The following PPP3CB variants were observed in gnomAD, a reference collection of about 807,000 sequenced individuals.
PPP3CB encodes the protein serine/threonine-protein phosphatase 2B catalytic subunit beta isoform.
In PPP3CB, 8 loss-of-function variants were observed where a neutral mutation model predicts 66.4. The ratio of observed to expected loss-of-function variants is 0.12; its 90% CI spans 0.07 to 0.22. The LOEUF (loss-of-function observed/expected upper bound fraction) is 0.22, where lower values mean the gene tolerates loss of function less well. Among genes scored for constraint, PPP3CB ranks in the 10% least tolerant of loss-of-function variants. PPP3CB has a pLI of 1.00. For synonymous variants in PPP3CB, 208 were observed against 221.2 expected, an observed-to-expected ratio of 0.94 and a Z score of 0.53; for missense variants, 319 against 642.5, an observed-to-expected ratio of 0.50 and a Z score of 5.44.
intron 1 of PPP3CB, among the ~76,000 whole-genome samples, chr10:73,493,453 A>G (rs1447217661): frequency 1.3e-5 from 2 of 152,230 alleles, no homozygotes; most frequent in African/African-American, 4.8e-5. Flanking sequence ...ATCATTTATC[A>G]TCAGGCAACC....
At chr10:73,473,382 G>A (rs1055090326) in intron 4 of PPP3CB, among the ~76,000 whole-genome samples, 3 of 151,968 alleles carry the variant, frequency 2.0e-5, no homozygotes, top group African/African-American at 7.3e-5. Flanking sequence ...GGCCAGATGC[G>A]GTGGTTCACA....
intron 1 of PPP3CB, among the ~76,000 whole-genome samples, chr10:73,486,195 C>A (rs1182379196): frequency 6.6e-6 from 1 of 151,666 alleles, no homozygotes; most frequent in Admixed American, 6.6e-5. Flanking sequence ...CCGCCTGCCT[C>A]GGCCTTCCAA....
chr10:73,467,492 A>G, intron 9 of PPP3CB, 61 bp downstream of exon 9: 5 of 1,305,244 alleles, frequency 3.8e-6, no homozygotes, highest in Non-Finnish European at 4.1e-6. Context: ...TGCCTATGAT[A>G]GTAAACTGGA....
At chr10:73,480,976 C>G (rs2056866054) in intron 1 of PPP3CB, among the ~76,000 whole-genome samples, 1 of 151,874 alleles carries the variant, frequency 6.6e-6, no homozygotes, top group South Asian at 2.1e-4. Context: ...TTTCTTATTC[C>G]TTTTTTACTG....
intron 9 of PPP3CB, among the ~76,000 whole-genome samples, chr10:73,458,582 G>A (rs2132855608): frequency 6.6e-6 from 1 of 151,866 alleles, no homozygotes; most frequent in South Asian, 2.1e-4. Flanking sequence ...CGGGTAGACT[G>A]CTTGAGCTCA....
At chr10:73,485,278 T>C (rs934094652) in intron 1 of PPP3CB, among the ~76,000 whole-genome samples, 3 of 152,238 alleles carry the variant, frequency 2.0e-5, no homozygotes, top group African/African-American at 7.2e-5. Flanking sequence ...GAAAAACATT[T>C]TAATTTAGGA....
chr10:73,444,928 A>G, intron 11 of PPP3CB, 106 bp from the exon 12 acceptor site: 1 of 1,104,462 alleles, frequency 9.1e-7, no homozygotes, highest in Non-Finnish European at 1.3e-6. Context: ...CATGACATTC[A>G]TTGCTATTAC....
chr10:73,445,606 C>T (rs1008474333), intron 11 of PPP3CB, among the ~76,000 whole-genome samples: 11 of 152,044 alleles, frequency 7.2e-5, no homozygotes, highest in Admixed American at 3.9e-4. Context: ...CCACCAGGCC[C>T]GGCTAATTTT....
At chr10:73,493,832 C>T (rs1456579125) in intron 1 of PPP3CB, among the ~76,000 whole-genome samples, 4 of 152,164 alleles carry the variant, frequency 2.6e-5, no homozygotes, top group Non-Finnish European at 4.4e-5. Flanking sequence ...ACACCAATAA[C>T]CTGCAAATAT....
intron 1 of PPP3CB, among the ~76,000 whole-genome samples, chr10:73,480,717 T>C (rs1001707229): frequency 3.3e-5 from 5 of 152,212 alleles, no homozygotes; most frequent in Admixed American, 2.0e-4. Context: ...AGTTCTGGGA[T>C]TACACGCATG....
intron 1 of PPP3CB, among the ~76,000 whole-genome samples, chr10:73,486,198 C>G (rs1287070474): frequency 1.3e-5 from 2 of 151,882 alleles, no homozygotes; most frequent in Non-Finnish European, 2.9e-5. Context: ...CCTGCCTCGG[C>G]CTTCCAAAGT....
In PPP3CB at chr10:73,475,115, C is replaced by T. The variant is rs534165697; in HGVS notation, c.412-85G>A. 8.8e-4 allele frequency: 1,279 copies of T among 1,448,074 alleles called. 5 individuals are homozygous for T. Among genetic ancestry groups the T allele is most frequent in the South Asian group, 1.3e-3 (86 of 67,372 alleles). 89.7% of individuals were successfully genotyped at this position (1,448,074 alleles called of 1,614,324 possible). A position where few individuals can be genotyped will look rare whatever the true frequency, so the allele number is the denominator to read the frequency against. On this transcript the variant is annotated intron_variant, in intron 3 of 13. Transcript: ENST00000360663. ...GATCTTTGCTCCTTTTCCTCTACTA[C>T]CCTTACCATCCTCTATTATCTTTCT...
intron 1 of PPP3CB, among the ~76,000 whole-genome samples, chr10:73,486,180 G>A (rs187629297): frequency 4.6e-5 from 7 of 151,668 alleles, no homozygotes; most frequent in African/African-American, 9.7e-5. Flanking sequence ...CCTTAACCTC[G>A]TGATCCGCCT....
intron 1 of PPP3CB, among the ~76,000 whole-genome samples, chr10:73,491,221 G>C (rs2057073372): frequency 6.6e-6 from 1 of 151,516 alleles, no homozygotes; most frequent in Non-Finnish European, 1.5e-5. Flanking sequence ...AGTAGAGACG[G>C]GGTTTCACCA....
intron 8 of PPP3CB, among the ~76,000 whole-genome samples, chr10:73,469,396 C>G (rs1004949712): frequency 6.6e-6 from 1 of 152,072 alleles, no homozygotes; most frequent in Non-Finnish European, 1.5e-5. Flanking sequence ...TAAAAATTAG[C>G]TGGGCGAGGT....
At position 73,444,713 on chromosome 10, in the gene PPP3CB, T is replaced by C; in HGVS notation, c.1366+12A>G. On this transcript the variant is annotated intron_variant, in intron 12 of 13. Coordinates refer to ENST00000360663, the MANE Select transcript of PPP3CB (RefSeq NM_021132.4). ...TCCATCTGAGGCACAGCAAGTTGCA[T>C]AACATCATTACCACTTTGCAGGGTC... 6.2e-7 allele frequency: 1 copy of C among 1,614,156 alleles called. No homozygotes were observed. Among genetic ancestry groups the C allele is most frequent in the Non-Finnish European group, 8.5e-7 (1 of 1,180,014 alleles).
rs1370741170 is a variant in PPP3CB, at chr10:73,471,676, C to T, written c.524-63G>A. 5 of 1,287,754 alleles carry T rather than the reference C, an allele frequency of 3.9e-6. No homozygotes were observed. In the Admixed American group the frequency reaches 9.5e-5, roughly 25 times the overall value. 79.8% of individuals were successfully genotyped at this position (1,287,754 alleles called of 1,614,324 possible). A position where few individuals can be genotyped will look rare whatever the true frequency, so the allele number is the denominator to read the frequency against. On this transcript the variant is annotated intron_variant, in intron 4 of 13. Coordinates refer to ENST00000360663, the MANE Select transcript of PPP3CB (RefSeq NM_021132.4). ...GGTGGTGGTGTGACCATTTTAAAAA[C>T]ATATATATTAGATTTTTATTTCTTG...
rs550468345 is a variant in PPP3CB, at chr10:73,442,220, G to A, written c.1367-2319C>T. 5.8e-4 allele frequency among the ~76,000 whole-genome samples: 89 copies of A among 152,270 alleles called. 1 individual carries two copies. The highest frequency in any genetic ancestry group is 6.2e-4 in the South Asian group (3 of 4,826). On this transcript the variant is annotated intron_variant, in intron 12 of 13. Coordinates refer to ENST00000360663, the MANE Select transcript of PPP3CB (RefSeq NM_021132.4). ...GACCCCTTAAACTCAATTCCTTCCA[G>A]TAACTTAGTCCATGCTGAGAATAGA...
At chr10:73,449,564 A>C (rs1237298888) in intron 10 of PPP3CB, among the ~76,000 whole-genome samples, 1 of 152,174 alleles carries the variant, frequency 6.6e-6, no homozygotes, top group Non-Finnish European at 1.5e-5. Context: ...CCTTTACCAA[A>C]CTGAAGACAA....
Sources: allele counts gnomAD v4.1 joint callset (sites outside exome capture counted in the v4.1 genomes callset), GRCh38; gene constraint gnomAD v4.1.1; transcripts MANE v1.5; gene names NCBI Gene and HGNC (gene_info 2026-07-23, HGNC 2026-07-21).